The following CDC73 variants were observed in gnomAD, a reference collection of about 807,000 sequenced individuals.
CDC73 encodes cell division cycle 73, also known as parafibromin.
A neutral mutation model predicts 83.7 loss-of-function variants in CDC73; 21 were observed. The ratio of observed to expected loss-of-function variants is 0.25; its 90% CI spans 0.18 to 0.36. The LOEUF is 0.36. Ranked by LOEUF, CDC73 falls within the 10% of genes least tolerant of loss-of-function variation. CDC73 has a pLI of 1.00. For synonymous variants in CDC73, 224 were observed against 212.9 expected (o/e 1.05, Z -0.45); for missense variants, 342 against 653.3 (o/e 0.52, Z 5.19).
rs370295816 is a variant in CDC73 at position 193,131,054 on chromosome 1, A to G, written c.307+811A>G. ...CAGTTTTATGGCTCAGATATCATAT[A>G]TATGCTGATGAAATTTCAAGTGTTT... On this transcript the variant is annotated intron_variant, in intron 3 of 16. Coordinates refer to ENST00000367435, the MANE Select transcript of CDC73 (RefSeq NM_024529.5). 3.9e-5 allele frequency among the ~76,000 whole-genome samples: 6 copies of G among 152,028 alleles called. No homozygotes were observed. In the East Asian group the frequency reaches 7.7e-4, roughly 20 times the overall value.
At chr1:193,158,886 T>C (rs1572165357) in intron 10 of CDC73, among the ~76,000 whole-genome samples, 1 of 152,208 alleles carries the variant, frequency 6.6e-6, no homozygotes, top group Admixed American at 6.5e-5. Flanking sequence ...TATATACTTG[T>C]TACCTGTTAC....
intron 10 of CDC73, among the ~76,000 whole-genome samples, chr1:193,201,747 T>C (rs1008605873): frequency 5.3e-5 from 8 of 152,292 alleles, no homozygotes; most frequent in East Asian, 1.9e-4. Flanking sequence ...GGTTTTTTTT[T>C]CCATATTATT....
At chr1:193,191,982 TATTA>T (rs1379273629) in intron 10 of CDC73, among the ~76,000 whole-genome samples, 290 of 152,326 alleles carry the variant, frequency 1.9e-3, no homozygotes, top group African/African-American at 6.7e-3. Flanking sequence ...TTATTAACAC[TATTA>T]ATTTATTTAA....
At chr1:193,199,083 A>G (rs1677047018) in intron 10 of CDC73, among the ~76,000 whole-genome samples, 1 of 152,196 alleles carries the variant, frequency 6.6e-6, no homozygotes, top group Non-Finnish European at 1.5e-5. Flanking sequence ...TAAGTATGTT[A>G]ATTGTTTTCT....
chr1:193,168,571 A>G (rs1308962900), intron 10 of CDC73, among the ~76,000 whole-genome samples: 6 of 150,806 alleles, frequency 4.0e-5, no homozygotes, highest in Admixed American at 6.6e-5. Flanking sequence ...TGTCACCCAG[A>G]TGGAATGCAG....
chr1:193,249,804 GA>G lies in CDC73; in HGVS notation c.1494del (p.Glu498AspfsTer26). On this transcript the variant is annotated frameshift_variant, in exon 16 of 17. Coordinates refer to ENST00000367435, the MANE Select transcript of CDC73 (RefSeq NM_024529.5). LOFTEE classifies it high-confidence loss of function. ...NVQKWDVTVL[E>X]LSYHKRHLDR... Reference sequence around the variant, plus strand: ...TCAGAAATGGGATGTAACAGTATTAGAACTCAGCTATCACAAACGTCATTTG... The same window carrying G: ...TCAGAAATGGGATGTAACAGTATTAGACTCAGCTATCACAAACGTCATTTG... 6.2e-7 allele frequency: 1 copy of G among 1,612,004 alleles called. No homozygotes were observed. Among genetic ancestry groups the G allele is most frequent in the Non-Finnish European group, 8.5e-7 (1 of 1,178,420 alleles).
At chr1:193,182,366 GATATA>G (rs1009234381) in intron 10 of CDC73, among the ~76,000 whole-genome samples, 5 of 152,110 alleles carry the variant, frequency 3.3e-5, no homozygotes, top group Admixed American at 3.3e-4. Context: ...AAGTATTCAT[GATATA>G]ATTGTTCTTA....
At chr1:193,180,713 G>A in intron 10 of CDC73, 1 of 1,613,994 alleles carries the variant, frequency 6.2e-7, no homozygotes, top group Non-Finnish European at 8.5e-7. Flanking sequence ...GCATATCCTC[G>A]CATTAGGTAA....
chr1:193,164,402 C>T (rs1302213298), intron 10 of CDC73, among the ~76,000 whole-genome samples: 1 of 152,076 alleles, frequency 6.6e-6, no homozygotes, highest in Admixed American at 6.6e-5. Flanking sequence ...GTTAGTATAC[C>T]ATGAGAAACT....
chr1:193,227,479 AAAAG>A (rs1164987024), intron 13 of CDC73, among the ~76,000 whole-genome samples: 8 of 152,118 alleles, frequency 5.3e-5, no homozygotes, highest in African/African-American at 1.2e-4. Flanking sequence ...TTTCAAAAAA[AAAAG>A]AAAGAAAAGT....
At chr1:193,160,911 A>G (rs966739720) in intron 10 of CDC73, among the ~76,000 whole-genome samples, 3 of 151,972 alleles carry the variant, frequency 2.0e-5, no homozygotes, top group African/African-American at 7.2e-5. Context: ...AGTTTGTTGG[A>G]TCAATTTCTC....
At chr1:193,152,786 A>T (rs957899027) in intron 10 of CDC73, among the ~76,000 whole-genome samples, 2 of 151,784 alleles carry the variant, frequency 1.3e-5, no homozygotes, top group African/African-American at 4.8e-5. Context: ...TTATTTATTT[A>T]TTTATTTTTT....
chr1:193,215,387 A>G (rs1677349597), intron 13 of CDC73, among the ~76,000 whole-genome samples: 1 of 152,160 alleles, frequency 6.6e-6, no homozygotes, highest in African/African-American at 2.4e-5. Flanking sequence ...CTTAAAGTCT[A>G]TTTTAGCCTT....
At chr1:193,185,180 AT>A (rs1280621859) in intron 10 of CDC73, among the ~76,000 whole-genome samples, 1 of 152,084 alleles carries the variant, frequency 6.6e-6, no homozygotes, top group Non-Finnish European at 1.5e-5. Context: ...GTATTTCCAT[AT>A]TATGTTTTTG....
intron 2 of CDC73, among the ~76,000 whole-genome samples, chr1:193,127,518 A>AC (rs1675600583): frequency 6.6e-6 from 1 of 152,136 alleles, no homozygotes; most frequent in South Asian, 2.1e-4. Flanking sequence ...ATCTTTAAAA[A>AC]CTAAATTAGG....
chr1:193,127,569 T>C (rs1349246405), intron 2 of CDC73, among the ~76,000 whole-genome samples: 1 of 152,148 alleles, frequency 6.6e-6, no homozygotes, highest in African/African-American at 2.4e-5. Flanking sequence ...CATTTTAGTG[T>C]AACAAAGATT....
intron 13 of CDC73, among the ~76,000 whole-genome samples, chr1:193,231,668 G>A (rs1006352235): frequency 2.8e-4 from 42 of 152,110 alleles, no homozygotes; most frequent in African/African-American, 9.9e-4. Flanking sequence ...TTAACCAAAT[G>A]TAAAATGGAT....
At chr1:193,154,092 G>A (rs1387480840) in intron 10 of CDC73, among the ~76,000 whole-genome samples, 1 of 152,156 alleles carries the variant, frequency 6.6e-6, no homozygotes, top group Non-Finnish European at 1.5e-5. Context: ...AAATTCTTAT[G>A]TGATTTGGTT....
At chr1:193,223,985 T>G (rs1220100594) in intron 13 of CDC73, among the ~76,000 whole-genome samples, 1 of 151,938 alleles carries the variant, frequency 6.6e-6, no homozygotes, top group African/African-American at 2.4e-5. Context: ...ACCTTAAACA[T>G]TTATCTTTAT....
Sources: gnomAD v4.1 joint callset for allele counts (sites outside exome capture counted in the v4.1 genomes callset) on GRCh38, gnomAD v4.1.1 for gene constraint, MANE v1.5 for transcripts, NCBI Gene and HGNC (gene_info 2026-07-23, HGNC 2026-07-21) for gene names.